CCDC141: variants seen among roughly 807,000 people sequenced by gnomAD.
CCDC141 encodes coiled-coil domain-containing protein 141.
A neutral mutation model predicts 181.0 loss-of-function variants in CCDC141; 168 were observed. The ratio of observed to expected loss-of-function variants is 0.93; its 90% confidence interval spans 0.82 to 1.05. The LOEUF is 1.05. Ranked by LOEUF, CCDC141 falls within the 50% of genes least tolerant of loss-of-function variation. The pLI, the probability that CCDC141 is intolerant of heterozygous loss-of-function variation, is 0.00. For missense variants in CCDC141, 1,902 were observed against 1,788.5 expected (o/e 1.06, Z -1.14); for synonymous variants, 666 against 642.3 (o/e 1.04, Z -0.56).
intron 5 of CCDC141, among the ~76,000 whole-genome samples, chr2:178,951,184 T>C (rs1022947744): frequency 2.6e-5 from 4 of 152,246 alleles, no homozygotes; most frequent in African/African-American, 9.6e-5. Context: ...GTCTTGGCAA[T>C]GTGTATCCCT....
chr2:178,877,553 C>T (rs759874731), intron 12 of CCDC141: 3 of 199,344 alleles, frequency 1.5e-5, no homozygotes, highest in Non-Finnish European at 3.0e-5. Context: ...AATGGATCTT[C>T]ACTACAAAGA....
At chr2:178,888,406 G>A in intron 9 of CCDC141, 121 bp downstream of exon 9, 3 of 819,880 alleles carry the variant, frequency 3.7e-6, no homozygotes, top group Non-Finnish European at 5.8e-6. Context: ...AGGACCCAAT[G>A]TGGTACATAA....
chr2:178,888,448 C>T, intron 9 of CCDC141, 79 bp downstream of exon 9: 1 of 1,346,514 alleles, frequency 7.4e-7, no homozygotes, highest in Non-Finnish European at 1.0e-6. Flanking sequence ...CCCTGTCCTC[C>T]CGCCATGCCC....
intron 2 of CCDC141, among the ~76,000 whole-genome samples, chr2:178,998,516 A>G (rs535836560): frequency 1.3e-5 from 2 of 151,904 alleles, no homozygotes; most frequent in East Asian, 1.9e-4. Flanking sequence ...CCACTTCTCT[A>G]CTCACTCCTG....
At chr2:179,007,307 T>C (rs944392638) in intron 2 of CCDC141, among the ~76,000 whole-genome samples, 10 of 152,194 alleles carry the variant, frequency 6.6e-5, no homozygotes, top group Non-Finnish European at 1.3e-4. Context: ...TCTTCTAACT[T>C]GGTCTCCTAC....
intron 2 of CCDC141, among the ~76,000 whole-genome samples, chr2:179,026,353 C>A (rs2042843498): frequency 6.6e-6 from 1 of 152,152 alleles, no homozygotes; most frequent in Admixed American, 6.5e-5. Context: ...CTGAAAGGGG[C>A]CAACATAGAG....
chr2:178,924,940 GGAA>G (rs1359916238), intron 6 of CCDC141, among the ~76,000 whole-genome samples: 2 of 152,318 alleles, frequency 1.3e-5, no homozygotes, highest in Non-Finnish European at 2.9e-5. Context: ...AGTAGCTTCA[GGAA>G]GAAGATTTTG....
chr2:178,867,104 G>A (rs934221795), intron 16 of CCDC141, among the ~76,000 whole-genome samples: 3 of 152,168 alleles, frequency 2.0e-5, no homozygotes, highest in East Asian at 1.9e-4. Context: ...TTTGAAGTCC[G>A]ACAGTGGCAT....
At chr2:178,989,898 G>T (rs1464331123) in intron 2 of CCDC141, among the ~76,000 whole-genome samples, 2 of 149,536 alleles carry the variant, frequency 1.3e-5, no homozygotes, top group East Asian at 3.9e-4. Context: ...CCAGCACTTT[G>T]GGAGGCTGAG....
intron 2 of CCDC141, among the ~76,000 whole-genome samples, chr2:178,988,583 A>C (rs781356553): frequency 1.6e-4 from 25 of 152,198 alleles, no homozygotes; most frequent in Non-Finnish European, 1.8e-4. Context: ...ATACTGTCTA[A>C]AGTAATCCAC....
At chr2:179,028,669 A>G (rs1313196808) in intron 2 of CCDC141, among the ~76,000 whole-genome samples, 2 of 152,206 alleles carry the variant, frequency 1.3e-5, no homozygotes, top group South Asian at 2.1e-4. Context: ...CTCACTATCT[A>G]TGTAAAATTA....
chr2:178,984,157 T>G (rs1455125212), intron 2 of CCDC141, among the ~76,000 whole-genome samples: 12 of 151,850 alleles, frequency 7.9e-5, no homozygotes, highest in Non-Finnish European at 1.6e-4. Flanking sequence ...TGGGGGCCAA[T>G]AGTCAACATT....
intron 2 of CCDC141, among the ~76,000 whole-genome samples, chr2:178,986,153 T>G (rs184100976): frequency 4.7e-3 from 714 of 152,352 alleles, no homozygotes; most frequent in African/African-American, 0.016. Flanking sequence ...GATGGAAGGC[T>G]GGTTCAATAT....
chr2:178,861,498 TGGTGGTG>T (rs1685617792), intron 17 of CCDC141, among the ~76,000 whole-genome samples: 1 of 151,956 alleles, frequency 6.6e-6, no homozygotes, highest in Non-Finnish European at 1.5e-5. Flanking sequence ...TAGCTGGGCA[TGGTGGTG>T]CATGCCTGTA....
chr2:178,965,500 C>A (rs921721660), intron 4 of CCDC141, among the ~76,000 whole-genome samples: 3 of 152,152 alleles, frequency 2.0e-5, no homozygotes, highest in African/African-American at 7.2e-5. Context: ...TGGGGCGTCA[C>A]CTCACCCAGG....
intron 5 of CCDC141, among the ~76,000 whole-genome samples, chr2:178,952,784 C>T (rs1050594335): frequency 3.3e-5 from 5 of 152,204 alleles, no homozygotes; most frequent in East Asian, 1.9e-4. Context: ...ACTGACCCAA[C>T]GGTTTGATAC....
chr2:179,042,898 A>C (rs531253895), intron 2 of CCDC141, among the ~76,000 whole-genome samples: 1 of 152,180 alleles, frequency 6.6e-6, no homozygotes, highest in African/African-American at 2.4e-5. Context: ...AGACACAAAA[A>C]AACCTTCAAA....
intron 18 of CCDC141, 37 bp from the exon 19 acceptor site, chr2:178,855,578 A>T (rs373875016): frequency 1.4e-6 from 2 of 1,439,366 alleles, no homozygotes; most frequent in African/African-American, 2.9e-5. Context: ...AACAACATTC[A>T]ATTTGTATTT....
chr2:179,015,077 T>TATATATATATAC (rs1559048426), intron 2 of CCDC141, among the ~76,000 whole-genome samples: 2 of 21,520 alleles, frequency 9.3e-5, no homozygotes, highest in African/African-American at 3.1e-4. Flanking sequence ...GATATATATA[T>TATATATATATAC]ATATATATAT....
Sources: gnomAD v4.1 joint callset for allele counts (sites outside exome capture counted in the v4.1 genomes callset) on GRCh38, gnomAD v4.1.1 for gene constraint, MANE v1.5 for transcripts, NCBI Gene and HGNC (gene_info 2026-07-23, HGNC 2026-07-21) for gene names.